Variants in GTPBP10 observed in about 807,000 individuals in gnomAD.
GTPBP10 encodes GTP-binding protein 10.
A neutral mutation model predicts 44.8 loss-of-function variants in GTPBP10; 38 were observed. The observed-to-expected ratio is 0.85, with a 90% CI of 0.65 to 1.11. The LOEUF (loss-of-function observed/expected upper bound fraction) is 1.11, where lower values mean the gene tolerates loss of function less well. Among genes scored for constraint, GTPBP10 ranks in the 50% most tolerant of loss-of-function variants. GTPBP10 has a pLI of 0.00. For synonymous variants in GTPBP10, 152 were observed against 150.6 expected, an observed-to-expected ratio of 1.01 and a Z score of -0.07; for missense variants, 462 against 453.7, an observed-to-expected ratio of 1.02 and a Z score of -0.17.
At chr7:90,347,900 A>AGAGGAAGAGAGGAAGGGTT (rs1795710962) in intron 1 of GTPBP10, among the ~76,000 whole-genome samples, 1 of 152,204 alleles carries the variant, frequency 6.6e-6, no homozygotes, top group Non-Finnish European at 1.5e-5. Context: ...TACAGAGCAA[A>AGAGGAAGAGAGGAAGGGTT]GAGGAAGAGA....
intron 1 of GTPBP10, 128 bp downstream of exon 1, chr7:90,346,902 C>A: frequency 1.0e-6 from 1 of 1,003,148 alleles, no homozygotes; most frequent in Non-Finnish European, 1.6e-6. Flanking sequence ...TAGACTTCTC[C>A]GCCCCTCCTG....
intron 4 of GTPBP10, among the ~76,000 whole-genome samples, chr7:90,361,594 CTTTTT>C (rs1796022382): frequency 6.6e-6 from 1 of 152,116 alleles, no homozygotes; most frequent in African/African-American, 2.4e-5. Flanking sequence ...CTAAAATTCT[CTTTTT>C]TGTTGTGTCT....
At chr7:90,377,390 G>A in intron 6 of GTPBP10, 117 bp from the exon 7 acceptor site, 1 of 587,338 alleles carries the variant, frequency 1.7e-6, no homozygotes, top group Non-Finnish European at 3.0e-6. Context: ...AAGATGTAGT[G>A]GTAATCATAA....
At chr7:90,375,516 TAAC>T (rs1046957629) in intron 6 of GTPBP10, among the ~76,000 whole-genome samples, 7 of 152,122 alleles carry the variant, frequency 4.6e-5, no homozygotes, top group Admixed American at 2.0e-4. Flanking sequence ...ATAGTGATAA[TAAC>T]AGTAAAAGAT....
At chr7:90,346,824 T>C in intron 1 of GTPBP10, 50 bp downstream of exon 1, 1 of 967,424 alleles carries the variant, frequency 1.0e-6, no homozygotes, top group Non-Finnish European at 1.3e-6. Flanking sequence ...ACAGCTCTGG[T>C]TCTTCTTTGC....
intron 1 of GTPBP10, among the ~76,000 whole-genome samples, chr7:90,349,094 T>C (rs1335116902): frequency 3.9e-5 from 6 of 152,228 alleles, no homozygotes; most frequent in Non-Finnish European, 7.3e-5. Context: ...TGATTGGCTC[T>C]TTTGTAAATC....
chr7:90,362,260 G>T (rs1796038634), intron 4 of GTPBP10, among the ~76,000 whole-genome samples: 1 of 151,874 alleles, frequency 6.6e-6, no homozygotes, highest in Non-Finnish European at 1.5e-5. Context: ...GCTTTCTCTT[G>T]TGGGCATTTA....
intron 4 of GTPBP10, among the ~76,000 whole-genome samples, chr7:90,370,596 C>T (rs564572479): frequency 5.3e-5 from 8 of 152,058 alleles, no homozygotes; most frequent in Non-Finnish European, 1.0e-4. Flanking sequence ...GTACAATGTA[C>T]ACTACTTGGG....
In GTPBP10 at chr7:90,385,149, A is replaced by T; in HGVS notation, c.1159A>T (p.Ile387Phe). Residue 387 changes from isoleucine (I) to phenylalanine (F), a missense_variant, in exon 10 of 10, where the codon ATT becomes TTT. Transcript: ENST00000222511. Reference protein sequence around the residue: ...HAVTTSKMDII With the variant: ...HAVTTSKMDIF ...TGTTACTACTTCCAAAATGGATATAATTTAAATATATTAAAAATGGTATTG... is the reference window on the plus strand; with the variant it reads ...TGTTACTACTTCCAAAATGGATATATTTTAAATATATTAAAAATGGTATTG... The T allele has an allele frequency of 6.3e-7, 1 of 1,585,540 alleles. No homozygotes were observed. Among genetic ancestry groups the T allele is most frequent in the South Asian group, 1.1e-5 (1 of 87,440 alleles).
intron 2 of GTPBP10, 51 bp from the exon 3 acceptor site, chr7:90,354,407 T>C: frequency 1.2e-6 from 1 of 804,800 alleles, no homozygotes; most frequent in Non-Finnish European, 1.9e-6. Flanking sequence ...TGTGTGTGTG[T>C]GTATATATAC....
chr7:90,380,130 G>A (rs1303030030), intron 8 of GTPBP10, among the ~76,000 whole-genome samples: 1 of 140,974 alleles, frequency 7.1e-6, no homozygotes, highest in East Asian at 2.1e-4. Context: ...CTGGGCTGGA[G>A]TGCGGTGGCA....
In GTPBP10 at chr7:90,388,874, A is replaced by T. The variant is rs570496630; in HGVS notation, c.*3720A>T. ...ACAGTGTTTGCAAAGTTCAGATTGA[A>T]AACCCAGTTTTACAAATCCCATCTA... On this transcript the variant is annotated 3_prime_UTR_variant, in exon 10 of 10. Coordinates refer to ENST00000222511, the MANE Select transcript of GTPBP10 (RefSeq NM_033107.4). The T allele has an allele frequency of 6.6e-6, 1 of 152,220 alleles. No homozygotes were observed. Among genetic ancestry groups the T allele is most frequent in the African/African-American group, 2.4e-5 (1 of 41,464 alleles). The allele number at this position is 152,220 out of a possible 1,614,324, so 9.4% of individuals were successfully genotyped here.
At chr7:90,382,907 A>G in intron 8 of GTPBP10, 49 bp from the exon 9 acceptor site, 1 of 1,345,324 alleles carries the variant, frequency 7.4e-7, no homozygotes, top group Non-Finnish European at 1.0e-6. Flanking sequence ...TAAGTAGTTT[A>G]TACAGAAACC....
chr7:90,384,830 C>T (rs1796494058), intron 9 of GTPBP10, 62 bp from the exon 10 acceptor site: 1 of 1,475,578 alleles, frequency 6.8e-7, no homozygotes. Flanking sequence ...AAACCATTAA[C>T]ATGGTTTTAA....
At chr7:90,365,432 G>T (rs1796114305) in intron 4 of GTPBP10, among the ~76,000 whole-genome samples, 1 of 137,172 alleles carries the variant, frequency 7.3e-6, no homozygotes, top group South Asian at 2.3e-4. Context: ...CTGGAGTGCA[G>T]TGGCGGGATC....
rs546878059 is a variant in GTPBP10, at chr7:90,352,715, C to T, written c.34-101C>T. On this transcript the variant is annotated intron_variant, in intron 1 of 9. Coordinates refer to ENST00000222511, the MANE Select transcript of GTPBP10 (RefSeq NM_033107.4). Reference sequence around the variant, plus strand: ...GAATTGGCATGTGAAAAGCTATTAACGACTTTTTTAGAAGAAGTTTTAGTG... The same window carrying T: ...GAATTGGCATGTGAAAAGCTATTAATGACTTTTTTAGAAGAAGTTTTAGTG... The T allele has an allele frequency of 1.2e-3, 1,030 of 860,974 alleles. 1 individual carries two copies. Among genetic ancestry groups the T allele is most frequent in the South Asian group, 2.4e-3 (104 of 42,776 alleles). The allele number at this position is 860,974 out of a possible 1,614,324, so 53.3% of individuals were successfully genotyped here. A position where few individuals can be genotyped will look rare whatever the true frequency, so the allele number is the denominator to read the frequency against.
chr7:90,360,412 CTTGT>C lies in GTPBP10; in HGVS notation c.464+5185_464+5188del, dbSNP rs1795993764. The stretch of plus-strand genomic sequence containing the variant: ...TATATAGAGAATCCTATCCCCATTT[CTTGT>C]TTTTGTCAGGTTTGTCAAAGATCAG... On this transcript the variant is annotated intron_variant, in intron 4 of 9. Coordinates refer to ENST00000222511, the MANE Select transcript of GTPBP10 (RefSeq NM_033107.4). Among the ~76,000 whole-genome samples, 3 of 152,162 alleles carry C rather than the reference CTTGT, an allele frequency of 2.0e-5. No homozygotes were observed. In the South Asian group the frequency reaches 6.2e-4, roughly 31 times the overall value.
intron 4 of GTPBP10, among the ~76,000 whole-genome samples, chr7:90,363,799 C>T (rs1796075959): frequency 6.6e-6 from 1 of 152,226 alleles, no homozygotes; most frequent in Non-Finnish European, 1.5e-5. Flanking sequence ...GGTCTTTTCA[C>T]ATAGTCCCAT....
chr7:90,356,805 A>G (rs1278483870), intron 4 of GTPBP10, among the ~76,000 whole-genome samples: 2 of 152,320 alleles, frequency 1.3e-5, no homozygotes, highest in South Asian at 2.1e-4. Flanking sequence ...TGTACGTTCA[A>G]TGAATTGTAG....
Sources: gnomAD v4.1 joint callset for allele counts (sites outside exome capture counted in the v4.1 genomes callset) on GRCh38, gnomAD v4.1.1 for gene constraint, MANE v1.5 for transcripts, NCBI Gene and HGNC (gene_info 2026-07-23, HGNC 2026-07-21) for gene names.